Variants in BLTP3A observed in about 807,000 individuals in gnomAD.
BLTP3A encodes the protein bridge-like lipid transfer protein family member 3A.
At chr6:34,836,017 TA>T in the BLTP3A span, 1 of 1,069,706 alleles carries the variant, frequency 9.3e-7, no homozygotes, top group Non-Finnish European at 1.3e-6. Context: ...CTAAGTGAGC[TA>T]CTAGGCCAAC....
At chr6:34,808,688 A>T in the BLTP3A span, among the ~76,000 whole-genome samples, 1 of 151,994 alleles carries the variant, frequency 6.6e-6, no homozygotes, top group South Asian at 2.1e-4. Context: ...GGGTCAAGGG[A>T]TCCTCCCACC....
the BLTP3A span, among the ~76,000 whole-genome samples, chr6:34,847,021 A>T: frequency 6.6e-6 from 1 of 152,176 alleles, no homozygotes; most frequent in Admixed American, 6.5e-5. Context: ...TAAAATGATC[A>T]TATATTTTTG....
At chr6:34,796,227 C>G in the BLTP3A span, among the ~76,000 whole-genome samples, 1 of 152,184 alleles carries the variant, frequency 6.6e-6, no homozygotes, top group African/African-American at 2.4e-5. Context: ...ACCAGTGAGT[C>G]ATATTATGCT....
At chr6:34,831,084 T>C in the BLTP3A span, among the ~76,000 whole-genome samples, 1 of 152,282 alleles carries the variant, frequency 6.6e-6, no homozygotes, top group Admixed American at 6.5e-5. Flanking sequence ...GTACTGCAGA[T>C]ATCTTCTACT....
chr6:34,859,908 T>G, the BLTP3A span, among the ~76,000 whole-genome samples: 1 of 152,064 alleles, frequency 6.6e-6, no homozygotes, highest in Non-Finnish European at 1.5e-5. Context: ...GTACCCAGCT[T>G]GCTTCACAAT....
At chr6:34,817,073 C>T in the BLTP3A span, among the ~76,000 whole-genome samples, 1 of 152,194 alleles carries the variant, frequency 6.6e-6, no homozygotes. Flanking sequence ...TTTCTGCTTT[C>T]GCTTCTGTCA....
the BLTP3A span, chr6:34,855,663 C>G: frequency 1.2e-6 from 2 of 1,613,908 alleles, no homozygotes; most frequent in Admixed American, 1.7e-5. Flanking sequence ...AGCTTACCTT[C>G]CGCAAGATGG....
the BLTP3A span, among the ~76,000 whole-genome samples, chr6:34,800,656 C>G: frequency 1.3e-5 from 2 of 152,086 alleles, no homozygotes; most frequent in African/African-American, 4.8e-5. Context: ...TTCCCAGTAT[C>G]TAGAACCAGT....
the BLTP3A span, among the ~76,000 whole-genome samples, chr6:34,799,085 G>A: frequency 7.9e-5 from 12 of 152,102 alleles, no homozygotes; most frequent in East Asian, 2.3e-3. Context: ...GAGACTATAG[G>A]TGCCCGCCAC....
the BLTP3A span, chr6:34,857,954 G>GGAAAAAT: frequency 1.9e-6 from 3 of 1,596,674 alleles, no homozygotes; most frequent in Non-Finnish European, 2.6e-6. Context: ...CCTGTTAGTA[G>GGAAAAAT]CCACAGCTGC....
At chr6:34,804,199 G>C in the BLTP3A span, among the ~76,000 whole-genome samples, 1 of 152,178 alleles carries the variant, frequency 6.6e-6, no homozygotes, top group African/African-American at 2.4e-5. Flanking sequence ...TCTGTAGGTA[G>C]TGTCTTAGCT....
the BLTP3A span, among the ~76,000 whole-genome samples, chr6:34,794,900 T>A: frequency 1.3e-5 from 2 of 151,740 alleles, no homozygotes; most frequent in Non-Finnish European, 2.9e-5. Context: ...TTCCCCTGCC[T>A]TAGCCTCCTG....
the BLTP3A span, among the ~76,000 whole-genome samples, chr6:34,844,065 C>T: frequency 4.9e-4 from 74 of 151,780 alleles, no homozygotes; most frequent in South Asian, 0.01. Flanking sequence ...ACTGCAAGCT[C>T]CGCCTCCCAG....
At chr6:34,815,325 T>C in the BLTP3A span, among the ~76,000 whole-genome samples, 3 of 152,040 alleles carry the variant, frequency 2.0e-5, no homozygotes, top group Admixed American at 6.6e-5. Flanking sequence ...TCTCAGCTCA[T>C]TGCAACCTCT....
the BLTP3A span, among the ~76,000 whole-genome samples, chr6:34,809,051 C>T: frequency 1.3e-5 from 2 of 152,082 alleles, no homozygotes; most frequent in African/African-American, 4.8e-5. Flanking sequence ...TTAATAAATT[C>T]AGTATGACCT....
the BLTP3A span, among the ~76,000 whole-genome samples, chr6:34,796,719 C>T: frequency 6.6e-6 from 1 of 152,230 alleles, no homozygotes; most frequent in Admixed American, 6.5e-5. Flanking sequence ...GCCAGATTCA[C>T]CTTCCAGCCC....
the BLTP3A span, chr6:34,823,227 A>C: frequency 3.2e-6 from 5 of 1,572,726 alleles, no homozygotes; most frequent in Non-Finnish European, 4.4e-6. Flanking sequence ...ATTTGTGTAA[A>C]TGCTTAGTTC....
chr6:34,793,662 ATTC>A, the BLTP3A span, among the ~76,000 whole-genome samples: 10 of 152,318 alleles, frequency 6.6e-5, no homozygotes, highest in East Asian at 1.9e-3. Flanking sequence ...AACGTAATAT[ATTC>A]TTTTTCAGGT....
chr6:34,846,027 C>T, the BLTP3A span, among the ~76,000 whole-genome samples: 280 of 149,284 alleles, frequency 1.9e-3, 2 homozygotes, highest in African/African-American at 6.8e-3. Context: ...TTCTCTAATC[C>T]ATGAACATGG....
Sources: allele counts gnomAD v4.1 joint callset (sites outside exome capture counted in the v4.1 genomes callset), GRCh38; gene constraint gnomAD v4.1.1; transcripts MANE v1.5; gene names NCBI Gene and HGNC (gene_info 2026-07-23, HGNC 2026-07-21).